Variants in CHN2 observed in about 807,000 individuals in gnomAD.
CHN2 encodes the protein chimerin 2.
A neutral mutation model predicts 56.3 loss-of-function variants in CHN2; 35 were observed. That is an observed-to-expected ratio of 0.62 (90% CI 0.47 to 0.82). The LOEUF is 0.82. CHN2 is among the 40% of genes least tolerant of loss of function. The probability of loss-of-function intolerance (pLI) is 0.00; values close to 1 mark genes in which losing one functional copy is unlikely to be tolerated. For missense variants in CHN2, 491 were observed against 580.5 expected (o/e 0.85, Z 1.58); for synonymous variants, 210 against 212.8 (o/e 0.99, Z 0.12).
intron 1 of CHN2, among the ~76,000 whole-genome samples, chr7:29,238,283 G>T (rs1349964929): frequency 1.3e-5 from 2 of 152,052 alleles, no homozygotes; most frequent in Non-Finnish European, 2.9e-5. Context: ...CTCCCAAAGT[G>T]CTGGGATTAC....
At chr7:29,267,800 CAA>C (rs2128841769) in intron 1 of CHN2, among the ~76,000 whole-genome samples, 1 of 152,316 alleles carries the variant, frequency 6.6e-6, no homozygotes, top group African/African-American at 2.4e-5. Flanking sequence ...AGGAGAGACT[CAA>C]GAGCTTTCTG....
intron 3 of CHN2, among the ~76,000 whole-genome samples, chr7:29,382,583 C>A (rs549816931): frequency 6.6e-6 from 1 of 152,312 alleles, no homozygotes; most frequent in African/African-American, 2.4e-5. Context: ...TCTGTGAACA[C>A]CGTGAGCAAT....
chr7:29,290,918 C>T (rs1176174457), intron 1 of CHN2, among the ~76,000 whole-genome samples: 1 of 152,138 alleles, frequency 6.6e-6, no homozygotes, highest in African/African-American at 2.4e-5. Context: ...GAGAGCCAAG[C>T]AGGCAACTTG....
rs371554184 is a variant in CHN2 at position 29,431,449 on chromosome 7, C to T, written c.576+30621C>T. On this transcript the variant is annotated intron_variant, in intron 6 of 12. Transcript: ENST00000222792. ...TTCACCCTTGTTCCCTAGCTCACTG[C>T]CCATAGGGTAGGGATGCAAAGAGTG... Among the ~76,000 whole-genome samples, 22 of 152,264 alleles carry T rather than the reference C, an allele frequency of 1.4e-4. No individual in the cohort carries two copies. The East Asian group carries it at 3.7e-3, about 25-fold the overall frequency.
chr7:29,187,734 AT>A (rs1406984036), intron 2 of CHN2, among the ~76,000 whole-genome samples: 2 of 152,148 alleles, frequency 1.3e-5, no homozygotes, highest in Admixed American at 6.5e-5. Flanking sequence ...CTCTCAAAAA[AT>A]AAAAATAAAA....
chr7:29,420,871 G>T (rs543823431), intron 6 of CHN2, among the ~76,000 whole-genome samples: 2 of 150,560 alleles, frequency 1.3e-5, no homozygotes, highest in African/African-American at 4.9e-5. Context: ...GTACAGTGGT[G>T]CCATCTTGGC....
chr7:29,197,731 A>C (rs1783852550), intron 1 of CHN2, among the ~76,000 whole-genome samples: 1 of 152,194 alleles, frequency 6.6e-6, no homozygotes, highest in Non-Finnish European at 1.5e-5. Context: ...TGGAAAGATG[A>C]GTCAAGATCC....
chr7:29,383,560 T>C (rs1483710220), intron 3 of CHN2, among the ~76,000 whole-genome samples: 1 of 152,182 alleles, frequency 6.6e-6, no homozygotes. Context: ...GAAATAATGT[T>C]TGTCAGATAT....
intron 3 of CHN2, among the ~76,000 whole-genome samples, chr7:29,369,854 C>T (rs1439456826): frequency 6.6e-6 from 1 of 152,170 alleles, no homozygotes; most frequent in Non-Finnish European, 1.5e-5. Flanking sequence ...CTTGTTTCCC[C>T]CTTGTCTGAC....
At chr7:29,177,675 T>C (rs1220620474) in intron 2 of CHN2, among the ~76,000 whole-genome samples, 24 of 151,992 alleles carry the variant, frequency 1.6e-4, no homozygotes, top group Admixed American at 1.6e-3. Context: ...CCTATTTATC[T>C]ATCTGTCCAT....
intron 2 of CHN2, among the ~76,000 whole-genome samples, chr7:29,363,055 G>T (rs766181840): frequency 2.0e-5 from 3 of 152,194 alleles, no homozygotes; most frequent in Non-Finnish European, 2.9e-5. Flanking sequence ...GTCCTTCTTA[G>T]ATCTGGAACT....
chr7:29,514,185 TTTG>T lies in CHN2; in HGVS notation c.*1455_*1457del, dbSNP rs1791811041. 6.6e-6 allele frequency: 1 copy of T among 152,612 alleles called. No individual in the cohort carries two copies. The highest frequency in any genetic ancestry group is 2.4e-5 in the African/African-American group (1 of 41,442). The allele number at this position is 152,612 out of a possible 1,614,324, so 9.5% of individuals were successfully genotyped here. On this transcript the variant is annotated 3_prime_UTR_variant, in exon 13 of 13. Transcript: ENST00000222792. ...CCCTCCTCCCAACTGTACAGATTTGTTTGTTGTAGTTTATGTACTTCTTGATAC... is the reference window on the plus strand; with the variant it reads ...CCCTCCTCCCAACTGTACAGATTTGTTTGTAGTTTATGTACTTCTTGATAC...
intron 1 of CHN2, among the ~76,000 whole-genome samples, chr7:29,252,574 C>CTTTTTT (rs150230689): frequency 7.3e-4 from 14 of 19,298 alleles, no homozygotes; most frequent in Non-Finnish European, 1.2e-3. Flanking sequence ...AAATTGCATT[C>CTTTTTT]TTTGTTTTTT....
chr7:29,180,830 T>C (rs2128742315), intron 2 of CHN2, among the ~76,000 whole-genome samples: 1 of 152,312 alleles, frequency 6.6e-6, no homozygotes, highest in African/African-American at 2.4e-5. Flanking sequence ...ACTCGTATCA[T>C]CCGTATACCT....
chr7:29,255,159 T>C (rs3812370), intron 1 of CHN2, among the ~76,000 whole-genome samples: 2,391 of 152,236 alleles, frequency 0.016, 109 homozygotes, highest in East Asian at 0.09. Context: ...GTGGAAGTAA[T>C]TTTCCCTGGA....
At chr7:29,466,408 A>G (rs1447661954) in intron 6 of CHN2, among the ~76,000 whole-genome samples, 1 of 152,202 alleles carries the variant, frequency 6.6e-6, no homozygotes, top group Non-Finnish European at 1.5e-5. Flanking sequence ...AAATAATAAT[A>G]TATATGATTA....
At chr7:29,150,536 A>G (rs1177020909) in intron 2 of CHN2, among the ~76,000 whole-genome samples, 1 of 152,212 alleles carries the variant, frequency 6.6e-6, no homozygotes, top group Non-Finnish European at 1.5e-5. Context: ...AATTCCAGTT[A>G]AGAAGACACA....
intron 7 of CHN2, chr7:29,484,013 T>C: frequency 3.4e-6 from 2 of 595,858 alleles, no homozygotes; most frequent in South Asian, 3.0e-5. Context: ...ATTATTATCT[T>C]TTTGTGCCTC....
intron 6 of CHN2, among the ~76,000 whole-genome samples, chr7:29,424,168 C>G (rs1804616314): frequency 6.6e-6 from 1 of 152,016 alleles, no homozygotes; most frequent in Admixed American, 6.6e-5. Flanking sequence ...TTTTGGTGTC[C>G]CTGGGTGAAA....
Sources: allele counts gnomAD v4.1 joint callset (sites outside exome capture counted in the v4.1 genomes callset), GRCh38; gene constraint gnomAD v4.1.1; transcripts MANE v1.5; gene names NCBI Gene and HGNC (gene_info 2026-07-23, HGNC 2026-07-21).